The following GRB10 variants were observed in gnomAD, a reference collection of about 807,000 sequenced individuals.
GRB10 encodes growth factor receptor-bound protein 10.
In GRB10, 20 loss-of-function variants were observed where a neutral mutation model predicts 80.9. The observed-to-expected ratio is 0.25, with a 90% confidence interval of 0.17 to 0.36. The LOEUF (loss-of-function observed/expected upper bound fraction) is 0.36. Among genes scored for constraint, GRB10 ranks in the 10% least tolerant of loss-of-function variants. The probability of loss-of-function intolerance (pLI) is 1.00; values close to 1 mark genes in which losing one functional copy is unlikely to be tolerated. For missense variants in GRB10, 548 were observed against 747.7 expected (o/e 0.73, Z 3.12); for synonymous variants, 291 against 291.5 (o/e 1.00, Z 0.02).
chr7:50,785,953 T>C (rs1311292984), upstream of GRB10, among the ~76,000 whole-genome samples: 1 of 152,226 alleles, frequency 6.6e-6, no homozygotes, highest in Non-Finnish European at 1.5e-5. Context: ...TAGTCAACTG[T>C]AACAAATGTA....
chr7:50,663,276 G>A (rs2059458965), intron 7 of GRB10, among the ~76,000 whole-genome samples: 1 of 152,154 alleles, frequency 6.6e-6, no homozygotes, highest in Admixed American at 6.5e-5. Flanking sequence ...CCCACAAGGA[G>A]TAGGTGGCAC....
intron 17 of GRB10, among the ~76,000 whole-genome samples, chr7:50,600,703 G>A (rs2047450105): frequency 6.6e-6 from 1 of 152,148 alleles, no homozygotes; most frequent in African/African-American, 2.4e-5. Context: ...TAGAAAAATG[G>A]ACAAAAAATG....
intron 3 of GRB10, among the ~76,000 whole-genome samples, chr7:50,753,211 G>A (rs1467455097): frequency 1.3e-5 from 2 of 152,212 alleles, no homozygotes; most frequent in Non-Finnish European, 2.9e-5. Context: ...AGTCTACTCT[G>A]ACAATAACTA....
rs140853620 is a variant in GRB10, at chr7:50,769,898, T to C, written c.-217+10729A>G. On this transcript the variant is annotated intron_variant, in intron 2 of 18. Transcript: ENST00000401949. The stretch of plus-strand genomic sequence containing the variant: ...CGGGTGGATGATCGAATGACGTTGG[T>C]ATCACAGTTTCTTTTACAAACCTTC... Among the ~76,000 whole-genome samples, 1,104 of 152,272 alleles carry C rather than the reference T, an allele frequency of 7.3e-3. 5 individuals carry two copies. Among genetic ancestry groups the C allele is most frequent in the Non-Finnish European group, 0.01 (694 of 68,020 alleles).
chr7:50,760,843 G>A (rs2075688881), intron 2 of GRB10, among the ~76,000 whole-genome samples: 4 of 152,144 alleles, frequency 2.6e-5, no homozygotes, highest in Admixed American at 2.6e-4. Context: ...AGCCATTCCT[G>A]ACTCTCCAGA....
chr7:50,708,537 A>T lies in GRB10; in HGVS notation c.52-4629T>A, dbSNP rs1305354080. Among the ~76,000 whole-genome samples the T allele has an allele frequency of 2.0e-5, 3 of 152,168 alleles. No individual in the cohort carries two copies. In the South Asian group the frequency reaches 6.2e-4, roughly 32 times the overall value. On this transcript the variant is annotated intron_variant, in intron 4 of 18. Coordinates refer to ENST00000401949, the MANE Select transcript of GRB10 (RefSeq NM_001350814.2). ...CAGGTGCAGGGTAATGAACACAGGG[A>T]CAAGAATAAAAGGTTTATCATTGTG...
intron 4 of GRB10, among the ~76,000 whole-genome samples, chr7:50,726,487 A>G (rs764377424): frequency 1.1e-4 from 17 of 152,216 alleles, no homozygotes; most frequent in Non-Finnish European, 4.4e-5. Context: ...CTTTAAGCCC[A>G]TACTTGAGGA....
At chr7:50,689,076 C>CA (rs1204888704) in intron 5 of GRB10, among the ~76,000 whole-genome samples, 1 of 152,164 alleles carries the variant, frequency 6.6e-6, no homozygotes, top group Non-Finnish European at 1.5e-5. Context: ...TTCAAATACC[C>CA]ACAGTGGATT....
Position 50,732,311 on chromosome 7 carries a change from G to A in GRB10, c.12C>T (p.Ala4=), listed in dbSNP as rs1216993311. Residue 4 remains alanine (A), a synonymous_variant, in exon 4 of 19, where the codon GCC becomes GCT. Coordinates refer to ENST00000401949, the MANE Select transcript of GRB10 (RefSeq NM_001350814.2). MAL[A]GCPDSFLHHP... is the part of the protein sequence containing the mutation. ...GGTGCAAAAAGGAATCTGGGCAGCC[G>A]GCTAAAGCCATGGGTTCCTTCTGCC... The A allele has an allele frequency of 1.3e-5, 21 of 1,614,018 alleles. No individual in the cohort carries two copies. The highest frequency in any genetic ancestry group is 5.0e-5 in the Admixed American group (3 of 60,008).
chr7:50,675,641 C>T (rs2060846802), intron 5 of GRB10, among the ~76,000 whole-genome samples: 1 of 152,210 alleles, frequency 6.6e-6, no homozygotes, highest in Admixed American at 6.5e-5. Flanking sequence ...GCAACCCTTC[C>T]CTGGATGTCC....
Position 50,591,038 on chromosome 7 carries a change from A to T in GRB10, c.*1914T>A, listed in dbSNP as rs1002514091. The T allele has an allele frequency of 2.0e-5, 3 of 152,246 alleles. No homozygotes were observed. The highest frequency in any genetic ancestry group is 2.0e-4 in the Admixed American group (3 of 15,288). 9.4% of individuals were successfully genotyped at this position (152,246 alleles called of 1,614,324 possible). On this transcript the variant is annotated 3_prime_UTR_variant, in exon 19 of 19. Coordinates refer to ENST00000401949, the MANE Select transcript of GRB10 (RefSeq NM_001350814.2). ...CCTTGAAAAGGGTTTACCTCGAGCC[A>T]GTGAAGAGGAAGGAATCGTGGTGTA...
chr7:50,629,949 C>T (rs540033164), intron 7 of GRB10, among the ~76,000 whole-genome samples: 5 of 152,316 alleles, frequency 3.3e-5, no homozygotes, highest in South Asian at 2.1e-4. Flanking sequence ...CAGTTCAGAG[C>T]GGAGATTGTT....
chr7:50,634,941 G>C (rs2054676186), intron 7 of GRB10, among the ~76,000 whole-genome samples: 1 of 152,260 alleles, frequency 6.6e-6, no homozygotes, highest in South Asian at 2.1e-4. Flanking sequence ...CATAATAGTG[G>C]GGGGCTACAA....
At chr7:50,776,379 A>ATT (rs56983643) in intron 2 of GRB10, among the ~76,000 whole-genome samples, 7 of 143,572 alleles carry the variant, frequency 4.9e-5, no homozygotes, top group East Asian at 2.0e-4. Flanking sequence ...CACTCCGCTA[A>ATT]TTTTTTTTTT....
chr7:50,701,607 A>C (rs2153666592), intron 5 of GRB10, among the ~76,000 whole-genome samples: 1 of 150,164 alleles, frequency 6.7e-6, no homozygotes, highest in African/African-American at 2.4e-5. Context: ...ATAAAATAAT[A>C]ATCATTCGTT....
At chr7:50,723,332 T>G (rs897492538) in intron 4 of GRB10, among the ~76,000 whole-genome samples, 4 of 152,186 alleles carry the variant, frequency 2.6e-5, no homozygotes, top group African/African-American at 9.7e-5. Flanking sequence ...GGTACATCCT[T>G]TAAGCCCCGG....
chr7:50,608,063 T>A (rs2329485), intron 13 of GRB10, among the ~76,000 whole-genome samples: 117,909 of 152,120 alleles, frequency 0.78, 46,090 homozygotes, highest in East Asian at 0.98. Context: ...CAAGAACAGG[T>A]CAGGGGAAAT....
intron 3 of GRB10, among the ~76,000 whole-genome samples, chr7:50,735,371 G>A (rs542372795): frequency 1.2e-4 from 19 of 152,220 alleles, no homozygotes; most frequent in Admixed American, 3.3e-4. Flanking sequence ...ACTACCTAAA[G>A]CAATCTACAA....
At chr7:50,593,181 A>C in intron 18 of GRB10, 83 bp from the exon 19 acceptor site, 1 of 1,487,636 alleles carries the variant, frequency 6.7e-7, no homozygotes, top group Non-Finnish European at 9.4e-7. Flanking sequence ...CAGCAGCTAC[A>C]TCTGCCCATG....
Sources: allele counts gnomAD v4.1 joint callset (sites outside exome capture counted in the v4.1 genomes callset), GRCh38; gene constraint gnomAD v4.1.1; transcripts MANE v1.5; gene names NCBI Gene and HGNC (gene_info 2026-07-23, HGNC 2026-07-21).